Variants in NRG4 observed in about 807,000 individuals in gnomAD.
NRG4 encodes the protein pro-neuregulin-4, membrane-bound isoform.
NRG4 carries 10 observed loss-of-function variants against 15.0 expected under a neutral mutation model. The observed-to-expected ratio is 0.67, with a 90% CI of 0.41 to 1.13. The LOEUF (loss-of-function observed/expected upper bound fraction) is 1.13, where lower values mean the gene tolerates loss of function less well. NRG4 is among the 50% of genes most tolerant of loss of function. The pLI is 0.00. For missense variants in NRG4, 139 were observed against 140.2 expected (o/e 0.99, Z 0.04); for synonymous variants, 41 against 50.1 (o/e 0.82, Z 0.77).
chr15:75,936,821 C>G (rs2141733326), downstream of NRG4: 1 of 152,302 alleles, frequency 6.6e-6, no homozygotes, highest in East Asian at 1.9e-4. Flanking sequence ...GATCTGCCTG[C>G]CTCAGCCTCC....
At chr15:76,020,491 C>A (rs1420949302) in intron 5 of NRG4, among the ~76,000 whole-genome samples, 1 of 152,142 alleles carries the variant, frequency 6.6e-6, no homozygotes, top group Non-Finnish European at 1.5e-5. Context: ...AACCAGCCAC[C>A]ACTTCCTCTA....
At chr15:75,972,960 A>G (rs2033177467) in intron 3 of NRG4, among the ~76,000 whole-genome samples, 2 of 152,042 alleles carry the variant, frequency 1.3e-5, no homozygotes, top group South Asian at 4.1e-4. Flanking sequence ...ATTACTTTGG[A>G]CAGTGTGGCC....
At chr15:75,968,585 TAAAAAAA>T (rs71140190) in intron 3 of NRG4, among the ~76,000 whole-genome samples, 1 of 99,124 alleles carries the variant, frequency 1.0e-5, no homozygotes, top group Non-Finnish European at 2.0e-5. Context: ...AAACTCCATC[TAAAAAAA>T]AAAAAAAAAA....
chr15:76,029,400 C>T (rs977269355), intron 5 of NRG4, among the ~76,000 whole-genome samples: 2 of 152,134 alleles, frequency 1.3e-5, no homozygotes, highest in African/African-American at 4.8e-5. Context: ...TGTTATTCAA[C>T]ATAGTACTGG....
At chr15:75,940,019 AAAAAG>A (rs2030772897), downstream of NRG4, 1 of 152,132 alleles carries the variant, frequency 6.6e-6, no homozygotes, top group South Asian at 2.1e-4. Flanking sequence ...CCTGAGCTAG[AAAAAG>A]AAAAGACATC....
intron 4 of NRG4, among the ~76,000 whole-genome samples, chr15:75,957,846 A>T (rs1380098737): frequency 3.9e-5 from 6 of 151,966 alleles, no homozygotes; most frequent in Non-Finnish European, 8.8e-5. Context: ...CCAATTCATT[A>T]ATTATTTTAT....
intron 2 of NRG4, chr15:76,053,031 C>A (rs1596067515): frequency 6.6e-6 from 1 of 150,826 alleles, no homozygotes; most frequent in Non-Finnish European, 1.5e-5. Context: ...TGAAAATAAT[C>A]GTAGAATCAT....
intron 5 of NRG4, among the ~76,000 whole-genome samples, chr15:76,027,862 A>G (rs2035356884): frequency 6.6e-6 from 1 of 152,218 alleles, no homozygotes; most frequent in Non-Finnish European, 1.5e-5. Flanking sequence ...CTTCAAATCA[A>G]TAAGAGAAAC....
At chr15:76,037,000 C>A (rs569718130) in intron 4 of NRG4, among the ~76,000 whole-genome samples, 1 of 151,896 alleles carries the variant, frequency 6.6e-6, no homozygotes, top group Admixed American at 6.5e-5. Flanking sequence ...AAAGACTCCA[C>A]CAAAAAAAAA....
chr15:76,037,012 T>C, intron 4 of NRG4, among the ~76,000 whole-genome samples: 1 of 151,716 alleles, frequency 6.6e-6, no homozygotes, highest in Non-Finnish European at 1.5e-5. Flanking sequence ...AAAAAAAAAC[T>C]GTTTGAGCTA....
intron 3 of NRG4, among the ~76,000 whole-genome samples, chr15:75,983,036 AT>A (rs2033663002): frequency 6.6e-6 from 1 of 152,242 alleles, no homozygotes; most frequent in South Asian, 2.1e-4. Context: ...CATTTAGAAT[AT>A]CCATAATCTA....
At chr15:75,980,872 T>C (rs1004057586) in intron 3 of NRG4, among the ~76,000 whole-genome samples, 1 of 151,782 alleles carries the variant, frequency 6.6e-6, no homozygotes, top group African/African-American at 2.4e-5. Context: ...GGGAAAGAGA[T>C]TTTTTAGAGT....
chr15:76,018,208 T>C lies in NRG4; in HGVS notation c.-56-6922A>G, dbSNP rs2035046238. 3.3e-5 allele frequency among the ~76,000 whole-genome samples: 5 copies of C among 152,336 alleles called. No individual in the cohort carries two copies. The South Asian group carries it at 1.0e-3, about 32-fold the overall frequency. On this transcript the variant is annotated intron_variant, in intron 5 of 8. Coordinates refer to the NRG4 transcript ENST00000563910. ...CTTATGTTCTTCTCTAAACTGCTTA[T>C]TCCAGTTAGTAATTCCTCTAACCTT...
At chr15:76,005,852 C>T in intron 3 of NRG4, 1 of 393,446 alleles carries the variant, frequency 2.5e-6, no homozygotes, top group South Asian at 2.1e-5. Context: ...GGCAACATAA[C>T]ACAAAGTATA....
downstream of NRG4, chr15:75,938,568 A>T (rs1393842908): frequency 6.6e-6 from 1 of 152,242 alleles, no homozygotes; most frequent in African/African-American, 2.4e-5. Flanking sequence ...GAACAAAATC[A>T]GAATATCAAC....
At chr15:75,994,105 T>C (rs1018285750) in intron 3 of NRG4, among the ~76,000 whole-genome samples, 2 of 152,206 alleles carry the variant, frequency 1.3e-5, no homozygotes, top group Non-Finnish European at 2.9e-5. Flanking sequence ...TTGTAGATTC[T>C]AGATGGTTAC....
chr15:76,026,066 C>T (rs187116781), intron 5 of NRG4, among the ~76,000 whole-genome samples: 1 of 151,854 alleles, frequency 6.6e-6, no homozygotes, highest in African/African-American at 2.4e-5. Context: ...TATGGGCATT[C>T]CAGAAGAAGA....
rs540647212 is a variant in NRG4 at position 76,036,613 on chromosome 15, C to T, written c.-104-622G>A. On this transcript the variant is annotated intron_variant, in intron 4 of 8. Coordinates refer to the NRG4 transcript ENST00000563910. ...TACTTTCTTCATCTATACATGAGGG[C>T]GGAGTTAGAAGGGGACATAATGATA... is the stretch of plus-strand genomic sequence containing the variant. Among the ~76,000 whole-genome samples, 269 of 152,160 alleles carry T rather than the reference C, an allele frequency of 1.8e-3. 1 individual carries two copies. Among genetic ancestry groups the T allele is most frequent in the Middle Eastern group, 3.4e-3 (1 of 294 alleles).
In NRG4 at chr15:75,980,665, C is replaced by T. The variant is rs137902217; in HGVS notation, c.105-18691G>A. On this transcript the variant is annotated intron_variant, in intron 3 of 5. Transcript: ENST00000394907. ...CAATTTTCTGTTGCCACATAGCATCCAGAGCCCAGAGTCCTAAAGGTACTT... is the reference window on the plus strand; with the variant it reads ...CAATTTTCTGTTGCCACATAGCATCTAGAGCCCAGAGTCCTAAAGGTACTT... Among the ~76,000 whole-genome samples, 29 of 152,188 alleles carry T rather than the reference C, an allele frequency of 1.9e-4. 1 individual carries two copies. The East Asian group carries it at 3.9e-3, about 20-fold the overall frequency.
Sources: gnomAD v4.1 joint callset for allele counts (sites outside exome capture counted in the v4.1 genomes callset) on GRCh38, gnomAD v4.1.1 for gene constraint, MANE v1.5 for transcripts, NCBI Gene and HGNC (gene_info 2026-07-23, HGNC 2026-07-21) for gene names.